Variants in ANO6 observed in about 807,000 individuals in gnomAD.
ANO6 encodes anoctamin 6.
ANO6 carries 106 observed loss-of-function variants against 117.5 expected under a neutral mutation model. The observed-to-expected ratio is 0.90, with a 90% CI of 0.77 to 1.06. ANO6 has a LOEUF of 1.06. Ranked by LOEUF, ANO6 falls within the 50% of genes least tolerant of loss-of-function variation. The pLI is 0.00. For synonymous variants in ANO6, 367 were observed against 385.1 expected (o/e 0.95, Z 0.55); for missense variants, 955 against 1,121.1 (o/e 0.85, Z 2.12).
intron 2 of ANO6, among the ~76,000 whole-genome samples, chr12:45,321,660 G>A (rs903405922): frequency 3.3e-5 from 5 of 152,026 alleles, no homozygotes; most frequent in East Asian, 1.9e-4. Flanking sequence ...GTTCATTTTC[G>A]AGAAAGTATC....
chr12:45,382,175 C>T (rs1942185663), intron 10 of ANO6, among the ~76,000 whole-genome samples: 1 of 152,128 alleles, frequency 6.6e-6, no homozygotes, highest in Non-Finnish European at 1.5e-5. Flanking sequence ...TTTTTACTGA[C>T]ATAATTGCAT....
chr12:45,264,304 C>G (rs978485570), intron 1 of ANO6, among the ~76,000 whole-genome samples: 5 of 152,220 alleles, frequency 3.3e-5, no homozygotes, highest in Non-Finnish European at 5.9e-5. Context: ...TGCCTGTGAA[C>G]TGGAAATTAT....
chr12:45,247,876 A>G (rs1947848894), intron 1 of ANO6, among the ~76,000 whole-genome samples: 1 of 152,238 alleles, frequency 6.6e-6, no homozygotes, highest in South Asian at 2.1e-4. Context: ...TAGAGCTTCA[A>G]CATATACATT....
At chr12:45,374,903 G>A (rs1037380557) in intron 9 of ANO6, among the ~76,000 whole-genome samples, 19 of 152,070 alleles carry the variant, frequency 1.2e-4, no homozygotes, top group Non-Finnish European at 2.4e-4. Flanking sequence ...AGGAAAAGAG[G>A]AAGTCAAATT....
At chr12:45,355,158 A>G (rs530762938) in intron 7 of ANO6, among the ~76,000 whole-genome samples, 7 of 152,308 alleles carry the variant, frequency 4.6e-5, no homozygotes, top group African/African-American at 1.7e-4. Context: ...GTATACTTGT[A>G]ACTTTGATTT....
chr12:45,368,958 A>G (rs1038368208), intron 9 of ANO6, among the ~76,000 whole-genome samples: 7 of 152,224 alleles, frequency 4.6e-5, no homozygotes, highest in Non-Finnish European at 1.0e-4. Flanking sequence ...TAACCTGCCC[A>G]AAGTCACCCG....
intron 1 of ANO6, among the ~76,000 whole-genome samples, chr12:45,293,406 A>G (rs1939171283): frequency 6.6e-6 from 1 of 152,004 alleles, no homozygotes; most frequent in Non-Finnish European, 1.5e-5. Context: ...CCCAGATTTT[A>G]TCTTCTATAG....
intron 15 of ANO6, 32 bp from the exon 16 acceptor site, chr12:45,409,325 C>G: frequency 6.2e-7 from 1 of 1,612,216 alleles, no homozygotes; most frequent in South Asian, 1.1e-5. Flanking sequence ...TGATAATATT[C>G]GTTCTAATTT....
chr12:45,266,814 G>GTGTGTGTA (rs1250416289), intron 1 of ANO6, among the ~76,000 whole-genome samples: 3 of 145,166 alleles, frequency 2.1e-5, no homozygotes, highest in Non-Finnish European at 4.5e-5. Flanking sequence ...AAGTGTGTGT[G>GTGTGTGTA]TGTGTGTGTG....
chr12:45,289,945 A>C (rs538563147), intron 1 of ANO6, among the ~76,000 whole-genome samples: 1 of 152,130 alleles, frequency 6.6e-6, no homozygotes, highest in African/African-American at 2.4e-5. Context: ...GCTGAAAAAA[A>C]TTTTTTTGGT....
chr12:45,259,412 A>G (rs896207406), intron 1 of ANO6, among the ~76,000 whole-genome samples: 2 of 152,224 alleles, frequency 1.3e-5, no homozygotes, highest in Non-Finnish European at 2.9e-5. Context: ...TTCATGAACT[A>G]TAAAAGGTTA....
chr12:45,313,896 T>G (rs1939929439), intron 2 of ANO6, among the ~76,000 whole-genome samples: 1 of 152,020 alleles, frequency 6.6e-6, no homozygotes. Flanking sequence ...AATTTTGGAG[T>G]AAAATTTTCA....
At chr12:45,248,919 T>C (rs1182429539) in intron 1 of ANO6, among the ~76,000 whole-genome samples, 1 of 152,300 alleles carries the variant, frequency 6.6e-6, no homozygotes, top group Non-Finnish European at 1.5e-5. Flanking sequence ...AAAGTAAGAC[T>C]GCCATTTATT....
At chr12:45,358,768 A>G (rs915606929) in intron 8 of ANO6, among the ~76,000 whole-genome samples, 1 of 151,618 alleles carries the variant, frequency 6.6e-6, no homozygotes, top group Non-Finnish European at 1.5e-5. Flanking sequence ...TACCTGTTTA[A>G]AGCTTATGTC....
chr12:45,375,262 G>A (rs1941973939), intron 9 of ANO6, among the ~76,000 whole-genome samples: 2 of 152,140 alleles, frequency 1.3e-5, no homozygotes, highest in South Asian at 4.2e-4. Context: ...TCAATATCGT[G>A]AAAATGGCCA....
intron 1 of ANO6, among the ~76,000 whole-genome samples, chr12:45,294,760 A>T (rs1939232171): frequency 6.6e-6 from 1 of 152,180 alleles, no homozygotes; most frequent in Admixed American, 6.5e-5. Context: ...GTTATTCGAA[A>T]ATGATTGCTG....
Position 45,255,818 on chromosome 12 carries a change from G to GTTTTTTTTTTTTTTT in ANO6, c.70+39433_70+39447dup, listed in dbSNP as rs551517877. On this transcript the variant is annotated intron_variant, in intron 1 of 19. Transcript: ENST00000320560. ...CTGGCCCCAGGTTTTCTCCCTGGGT[G>GTTTTTTTTTTTTTTT]TTTTTTTTTTTTTTTTTTTTGAGAC... is the stretch of plus-strand genomic sequence containing the variant. Among the ~76,000 whole-genome samples, 6 of 81,712 alleles carry GTTTTTTTTTTTTTTT rather than the reference G, an allele frequency of 7.3e-5. No individual in the cohort carries two copies. In the South Asian group the frequency reaches 1.4e-3, roughly 19 times the overall value. The allele number at this position is 81,712 out of a possible 152,430, so 53.6% of individuals were successfully genotyped here. A position where few individuals can be genotyped will look rare whatever the true frequency, so the allele number is the denominator to read the frequency against.
chr12:45,275,809 A>G (rs959282948), intron 1 of ANO6, among the ~76,000 whole-genome samples: 1 of 151,924 alleles, frequency 6.6e-6, no homozygotes, highest in African/African-American at 2.4e-5. Context: ...CATTTCCTTC[A>G]TTACTTGGCC....
intron 2 of ANO6, among the ~76,000 whole-genome samples, chr12:45,307,104 T>C (rs1038655046): frequency 6.6e-6 from 1 of 152,142 alleles, no homozygotes; most frequent in Non-Finnish European, 1.5e-5. Context: ...GTAAAGACTT[T>C]GGTTTTACTC....
Sources: allele counts gnomAD v4.1 joint callset (sites outside exome capture counted in the v4.1 genomes callset), GRCh38; gene constraint gnomAD v4.1.1; transcripts MANE v1.5; gene names NCBI Gene and HGNC (gene_info 2026-07-23, HGNC 2026-07-21).